FOXR1: variants seen among roughly 807,000 people sequenced by gnomAD.
The protein encoded by FOXR1 is forkhead box protein R1.
In FOXR1, 25 loss-of-function variants were observed where a neutral mutation model predicts 34.5. That is an observed-to-expected ratio of 0.72 (90% confidence interval 0.53 to 1.01). The LOEUF (loss-of-function observed/expected upper bound fraction) is 1.01. Ranked by LOEUF, FOXR1 falls within the 50% of genes least tolerant of loss-of-function variation. The probability of loss-of-function intolerance (pLI) is 0.00; values close to 1 mark genes in which losing one functional copy is unlikely to be tolerated. For synonymous variants in FOXR1, 153 were observed against 141.6 expected, an observed-to-expected ratio of 1.08 and a Z score of -0.57; for missense variants, 373 against 376.2, an observed-to-expected ratio of 0.99 and a Z score of 0.07.
Position 118,979,209 on chromosome 11 carries a change from G to A in FOXR1, c.384+5G>A, listed in dbSNP as rs782313873. ...TTTTCCCCCAGCACCTGGGAGGTAT[G>A]CATTTTTGGGGATGGGAGTGGGACT... On this transcript the variant is annotated splice_donor_5th_base_variant and intron_variant, in intron 3 of 5. Coordinates refer to ENST00000317011, the MANE Select transcript of FOXR1 (RefSeq NM_181721.3). 2.6e-6 allele frequency: 4 copies of A among 1,517,516 alleles called. No individual in the cohort carries two copies. Among genetic ancestry groups the A allele is most frequent in the South Asian group, 2.7e-5 (2 of 75,040 alleles). 94.0% of individuals were successfully genotyped at this position (1,517,516 alleles called of 1,614,324 possible).
At chr11:118,975,499 TCTTGAGCAGC>T (rs59884679) in intron 1 of FOXR1, among the ~76,000 whole-genome samples, 67,710 of 150,090 alleles carry the variant, frequency 0.45, 15,808 homozygotes, top group Admixed American at 0.56. Flanking sequence ...CTCACTGCAG[TCTTGAGCAGC>T]CTTGAGCAGC....
chr11:118,972,657 C>T (rs1370594410), intron 1 of FOXR1, among the ~76,000 whole-genome samples: 2 of 150,662 alleles, frequency 1.3e-5, no homozygotes, highest in Non-Finnish European at 2.9e-5. Context: ...GAGTCTTGCT[C>T]TGTCGCCCAG....
rs745962707 is a variant in FOXR1 at position 118,972,013 on chromosome 11, G to T, written c.61+21G>T. 50 of 1,509,782 alleles carry T rather than the reference G, an allele frequency of 3.3e-5. No homozygotes were observed. The Middle Eastern group carries it at 8.4e-4, about 25-fold the overall frequency. The allele number at this position is 1,509,782 out of a possible 1,614,324, so 93.5% of individuals were successfully genotyped here. ...GAAACGTGAGTAGCGGGTGGGGTGA[G>T]GTGGGGGGCTGGGCGTGGCGGAGGG... On this transcript the variant is annotated intron_variant, in intron 1 of 5. Coordinates refer to ENST00000317011, the MANE Select transcript of FOXR1 (RefSeq NM_181721.3).
chr11:118,971,935 G>C lies in FOXR1; in HGVS notation c.4G>C (p.Gly2Arg), dbSNP rs1233445957. Residue 2 changes from glycine to arginine, a missense_variant, in exon 1 of 6, where the codon GGG becomes CGG. Gly to Arg is a moderately radical substitution (Grantham distance 125). Transcript: ENST00000317011. ...CCCGGGACTGCTGGACTGGGACATG[G>C]GGAACGAGCTCTTTCTGGCCTTCAC... MGNELFLAFTTS... is the reference protein window; with the variant it reads MRNELFLAFTTS... 75 of 1,556,090 alleles carry C rather than the reference G, an allele frequency of 4.8e-5. No homozygotes were observed. Among genetic ancestry groups the C allele is most frequent in the Non-Finnish European group, 5.9e-5 (68 of 1,149,304 alleles).
chr11:118,977,252 A>G (rs180875041), intron 1 of FOXR1, among the ~76,000 whole-genome samples: 3,277 of 151,968 alleles, frequency 0.022, 116 homozygotes, highest in African/African-American at 0.075. Context: ...GGCTGGTCTC[A>G]AACTCCTGAC....
intron 1 of FOXR1, 29 bp downstream of exon 1, chr11:118,972,021 G>A (rs1187509646): frequency 2.8e-6 from 4 of 1,442,644 alleles, no homozygotes; most frequent in African/African-American, 2.4e-5. Flanking sequence ...GAGGTGGGGG[G>A]CTGGGCGTGG....
At position 118,979,146 on chromosome 11, in the gene FOXR1, C is replaced by T; in HGVS notation, c.326C>T (p.Ser109Phe). 1 of 1,584,684 alleles carries T rather than the reference C, an allele frequency of 6.3e-7. No homozygotes were observed. The highest frequency in any genetic ancestry group is 8.6e-7 in the Non-Finnish European group (1 of 1,167,172). Residue 109 changes from serine to phenylalanine, a missense_variant, in exon 3 of 6, where the codon TCC (serine) becomes TTC (phenylalanine). Ser to Phe is a radical substitution (Grantham distance 155, BLOSUM62 -2). Transcript: ENST00000317011. The part of the protein sequence containing the change: ...EAAGVESLSQ[S>F]SSKRSPPRKR... ...GCAGGGGTGGAATCACTGTCCCAGTCCTCCAGCAAGCGGTCTCCCCCTCGG... is the reference window on the plus strand; with the variant it reads ...GCAGGGGTGGAATCACTGTCCCAGTTCTCCAGCAAGCGGTCTCCCCCTCGG...
chr11:118,980,753 C>T (rs909311809), intron 5 of FOXR1, 25 bp downstream of exon 5: 14 of 1,594,854 alleles, frequency 8.8e-6, no homozygotes, highest in Admixed American at 1.7e-5. Context: ...TGTGCGTGGG[C>T]CCAAGGGGAA....
chr11:118,972,144 C>T (rs1246025558), intron 1 of FOXR1, 152 bp downstream of exon 1: 9 of 611,160 alleles, frequency 1.5e-5, no homozygotes, highest in African/African-American at 1.4e-4. Context: ...CCCCCCCCGA[C>T]GGCTTAGCTC....
At chr11:118,975,896 G>A (rs953046633) in intron 1 of FOXR1, among the ~76,000 whole-genome samples, 3 of 152,262 alleles carry the variant, frequency 2.0e-5, no homozygotes, top group African/African-American at 7.2e-5. Context: ...CAGATATTAC[G>A]CAGGTTCCCT....
At chr11:118,975,419 T>A in intron 1 of FOXR1, among the ~76,000 whole-genome samples, 1 of 151,278 alleles carries the variant, frequency 6.6e-6, no homozygotes. Flanking sequence ...TTTTCTTTCT[T>A]CTTTTTTTTT....
At position 118,973,343 on chromosome 11, in the gene FOXR1, T is replaced by G. The variant is rs1161237969; in HGVS notation, c.61+1351T>G. Among the ~76,000 whole-genome samples the G allele has an allele frequency of 2.0e-5, 3 of 152,014 alleles. No individual in the cohort carries two copies. The East Asian group carries it at 5.8e-4, about 29-fold the overall frequency. ...TATAGTATGCTATAAAGTGATAATC[T>G]GCAATGGGGAAAGAACAGGAGAAGG... On this transcript the variant is annotated intron_variant, in intron 1 of 5. Coordinates refer to ENST00000317011, the MANE Select transcript of FOXR1 (RefSeq NM_181721.3).
Position 118,971,803 on chromosome 11 carries a change from C to A in FOXR1, c.-129C>A, listed in dbSNP as rs569260448. ...TGTGAGGGTCGCTCCTCAGCCGCCGCGCTCCCACTCCGCGTCCCCACTCCG... is the reference window on the plus strand; with the variant it reads ...TGTGAGGGTCGCTCCTCAGCCGCCGAGCTCCCACTCCGCGTCCCCACTCCG... On this transcript the variant is annotated 5_prime_UTR_variant, in exon 1 of 6. Transcript: ENST00000317011. 5.1e-6 allele frequency: 5 copies of A among 976,822 alleles called. No individual in the cohort carries two copies. The East Asian group carries it at 1.1e-4, about 21-fold the overall frequency. 60.5% of individuals were successfully genotyped at this position (976,822 alleles called of 1,614,324 possible).
chr11:118,980,624 G>T lies in FOXR1; in HGVS notation c.746G>T (p.Cys249Phe). ...QGGASTRPRS[C>F]LWKLTEEGHR... ...GGGGCCAGCACACGGCCTCGATCTT[G>T]CCTCTGGAAGTTGACCGAGGAGGGA... The change falls in exon 5 of 6, where the codon TGC becomes TTC. Residue 249 changes from cysteine to phenylalanine, a missense_variant. Physicochemically the swap from Cys to Phe is radical, Grantham distance 205. Transcript: ENST00000317011. The T allele has an allele frequency of 1.2e-6, 2 of 1,614,232 alleles. No individual in the cohort carries two copies. The highest frequency in any genetic ancestry group is 1.7e-6 in the Non-Finnish European group (2 of 1,180,056).
intron 1 of FOXR1, among the ~76,000 whole-genome samples, chr11:118,974,041 G>A (rs998459294): frequency 6.6e-6 from 1 of 152,118 alleles, no homozygotes; most frequent in Non-Finnish European, 1.5e-5. Flanking sequence ...AACTCAATTA[G>A]GAACATAATA....
chr11:118,978,346 C>A (rs1402556261), intron 1 of FOXR1, among the ~76,000 whole-genome samples: 4 of 152,092 alleles, frequency 2.6e-5, no homozygotes, highest in Non-Finnish European at 5.9e-5. Flanking sequence ...CAGAGCAAGA[C>A]CCTGTCTCAA....
chr11:118,974,248 A>T (rs897930071), intron 1 of FOXR1, among the ~76,000 whole-genome samples: 32 of 152,156 alleles, frequency 2.1e-4, no homozygotes, highest in Non-Finnish European at 3.1e-4. Flanking sequence ...TTTGTTTGAG[A>T]TGGACTCTTG....
chr11:118,981,169 G>A (rs1941857827), intron 5 of FOXR1, 39 bp from the exon 6 acceptor site: 1 of 1,610,182 alleles, frequency 6.2e-7, no homozygotes, highest in Non-Finnish European at 8.5e-7. Flanking sequence ...AACAGCAATT[G>A]TGAAGTATAA....
chr11:118,977,224 G>A (rs900045497), intron 1 of FOXR1, among the ~76,000 whole-genome samples: 3 of 152,006 alleles, frequency 2.0e-5, no homozygotes, highest in Non-Finnish European at 4.4e-5. Flanking sequence ...TAGAGATGGG[G>A]TTTCACCTTG....
Sources: gnomAD v4.1 joint callset for allele counts (sites outside exome capture counted in the v4.1 genomes callset) on GRCh38, gnomAD v4.1.1 for gene constraint, MANE v1.5 for transcripts, NCBI Gene and HGNC (gene_info 2026-07-23, HGNC 2026-07-21) for gene names.